KIF13A: variants seen among roughly 807,000 people sequenced by gnomAD.
KIF13A encodes the protein kinesin-like protein KIF13A.
A neutral mutation model predicts 212.2 loss-of-function variants in KIF13A; 79 were observed. The ratio of observed to expected loss-of-function variants is 0.37; its 90% CI spans 0.31 to 0.45. The LOEUF (loss-of-function observed/expected upper bound fraction) is 0.45. Among genes scored for constraint, KIF13A ranks in the 20% least tolerant of loss-of-function variants. The pLI is 1.00. For missense variants in KIF13A, 1,901 were observed against 2,209.0 expected (o/e 0.86, Z 2.79); for synonymous variants, 789 against 808.6 (o/e 0.98, Z 0.41).
rs199920363 is a variant in KIF13A, at chr6:17,775,613, T to C, written c.4171-551A>G. On this transcript the variant is annotated intron_variant, in intron 34 of 38. Transcript: ENST00000259711. The stretch of plus-strand genomic sequence containing the variant: ...CATCAACGAGCATAGTAATAGTCAT[T>C]ATTTTAGTATAGTCCTTCTTTTTGG... 2.0e-5 allele frequency among the ~76,000 whole-genome samples: 3 copies of C among 152,220 alleles called. No homozygotes were observed. The East Asian group carries it at 5.8e-4, about 29-fold the overall frequency.
In KIF13A at chr6:17,987,384, T is replaced by TA. The variant is rs776286508; in HGVS notation, c.55+24dup. 1.3e-5 allele frequency: 17 copies of TA among 1,349,758 alleles called. No individual in the cohort carries two copies. Among genetic ancestry groups the TA allele is most frequent in the South Asian group, 2.5e-5 (2 of 79,440 alleles). 83.6% of individuals were successfully genotyped at this position (1,349,758 alleles called of 1,614,324 possible). ...CCCCCGCCCTCAGCCCGAGCAGAAA[T>TA]AAAAAAGAGCGGAAAGCTCCTCACC... On this transcript the variant is annotated intron_variant, in intron 1 of 38. Transcript: ENST00000259711. The surrounding 1 kb of genome is among the most constrained non-coding windows in gnomAD (Gnocchi z 7.7).
chr6:17,878,135 A>G (rs1255303071), intron 3 of KIF13A, among the ~76,000 whole-genome samples: 1 of 152,192 alleles, frequency 6.6e-6, no homozygotes, highest in Non-Finnish European at 1.5e-5. Context: ...CAAGCAACCA[A>G]TAAACACATA....
chr6:17,869,788 C>T (rs530593551), intron 4 of KIF13A, among the ~76,000 whole-genome samples: 2 of 152,362 alleles, frequency 1.3e-5, no homozygotes, highest in African/African-American at 4.8e-5. Flanking sequence ...TCTTTGCTTT[C>T]TCAATCCATG....
chr6:17,948,580 T>TC (rs1554120971), intron 2 of KIF13A, among the ~76,000 whole-genome samples: 1 of 147,126 alleles, frequency 6.8e-6, no homozygotes. Context: ...TTTTTTTTTT[T>TC]TGAGACAAGT....
intron 2 of KIF13A, among the ~76,000 whole-genome samples, chr6:17,901,129 C>T (rs1370556182): frequency 7.0e-6 from 1 of 142,668 alleles, no homozygotes; most frequent in Admixed American, 7.0e-5. Flanking sequence ...CATAATTCTA[C>T]ACTTTTGAGT....
chr6:17,906,612 C>A (rs980589893), intron 2 of KIF13A, among the ~76,000 whole-genome samples: 2 of 151,902 alleles, frequency 1.3e-5, no homozygotes, highest in African/African-American at 4.8e-5. Context: ...CCACACCCAG[C>A]TAATTTTTGT....
Position 17,987,202 on chromosome 6 carries a change from C to A in KIF13A, c.56-58G>T. On this transcript the variant is annotated intron_variant, in intron 1 of 38. Coordinates refer to ENST00000259711, the MANE Select transcript of KIF13A (RefSeq NM_022113.6). The surrounding 1 kb of genome is among the most constrained non-coding windows in gnomAD (Gnocchi z 7.7). The stretch of plus-strand genomic sequence containing the variant: ...CCAGCATCCGCGCCTCCAGCCCGCC[C>A]GCCCGCCAGCCGCGCCGAGCGGGGC... The A allele has an allele frequency of 7.2e-7, 1 of 1,389,794 alleles. No individual in the cohort carries two copies. Among genetic ancestry groups the A allele is most frequent in the Non-Finnish European group, 9.9e-7 (1 of 1,011,474 alleles). The allele number at this position is 1,389,794 out of a possible 1,614,324, so 86.1% of individuals were successfully genotyped here.
chr6:17,987,185 C>G lies in KIF13A; in HGVS notation c.56-41G>C. ...AAGGGACGTTGCAAAGTCCAGCATC[C>G]GCGCCTCCAGCCCGCCCGCCCGCCA... On this transcript the variant is annotated intron_variant, in intron 1 of 38. Coordinates refer to ENST00000259711, the MANE Select transcript of KIF13A (RefSeq NM_022113.6). This position sits in a 1 kb window ranked among gnomAD's most constrained non-coding sequence, Gnocchi z 7.7. 6.7e-7 allele frequency: 1 copy of G among 1,498,620 alleles called. No individual in the cohort carries two copies. The highest frequency in any genetic ancestry group is 2.5e-5 in the East Asian group (1 of 40,562). 92.8% of individuals were successfully genotyped at this position (1,498,620 alleles called of 1,614,324 possible). A position where few individuals can be genotyped will look rare whatever the true frequency, so the allele number is the denominator to read the frequency against.
chr6:17,850,588 G>A lies in KIF13A; in HGVS notation c.583-131C>T, dbSNP rs960746034. 1.6e-5 allele frequency: 13 copies of A among 832,182 alleles called. No individual in the cohort carries two copies. The highest frequency in any genetic ancestry group is 1.0e-4 in the African/African-American group (6 of 57,866). The allele number at this position is 832,182 out of a possible 1,614,324, so 51.5% of individuals were successfully genotyped here. A position where few individuals can be genotyped will look rare whatever the true frequency, so the allele number is the denominator to read the frequency against. On this transcript the variant is annotated intron_variant, in intron 7 of 38. Transcript: ENST00000259711. This position sits in a 1 kb window ranked among gnomAD's most constrained non-coding sequence, Gnocchi z 6.2. ...ACCCTTCCATAGAAACCTCCCTGCC[G>A]CTCCTCCATTGAGCATGGTTTGAGC... is the stretch of plus-strand genomic sequence containing the variant.
intron 32 of KIF13A, among the ~76,000 whole-genome samples, 158 bp from the exon 33 acceptor site, chr6:17,779,257 A>ATTTTTTTTTTTTT (rs3076205): frequency 2.6e-5 from 1 of 37,850 alleles, no homozygotes; most frequent in African/African-American, 1.2e-4. Context: ...ATATATATAT[A>ATTTTTTTTTTTTT]TTTTTTTTTT....
rs34232861 is a variant in KIF13A, at chr6:17,846,041, C to CTT, written c.830+3334_830+3335dup. Reference sequence around the variant, plus strand: ...GATTTCTTTAGTTTTGGAACTCAACCTTTTTTTTTTTTTTTTTTTTTTTTC... The same window carrying CTT: ...GATTTCTTTAGTTTTGGAACTCAACCTTTTTTTTTTTTTTTTTTTTTTTTTTC... On this transcript the variant is annotated intron_variant, in intron 9 of 38. Coordinates refer to ENST00000259711, the MANE Select transcript of KIF13A (RefSeq NM_022113.6). Among the ~76,000 whole-genome samples, 569 of 83,238 alleles carry CTT rather than the reference C, an allele frequency of 6.8e-3. 31 individuals are homozygous for CTT. The highest frequency in any genetic ancestry group is 0.023 in the African/African-American group (403 of 17,638). The allele number at this position is 83,238 out of a possible 152,430, so 54.6% of individuals were successfully genotyped here. A position where few individuals can be genotyped will look rare whatever the true frequency, so the allele number is the denominator to read the frequency against.
At chr6:17,869,574 C>A (rs1210543696) in intron 4 of KIF13A, among the ~76,000 whole-genome samples, 2 of 152,182 alleles carry the variant, frequency 1.3e-5, no homozygotes, top group African/African-American at 2.4e-5. Context: ...AGGATTTGAA[C>A]CAAGTCTGAC....
intron 13 of KIF13A, among the ~76,000 whole-genome samples, chr6:17,830,584 T>G (rs1007676606): frequency 1.3e-5 from 2 of 152,308 alleles, no homozygotes; most frequent in South Asian, 2.1e-4. Context: ...CCTCTACACC[T>G]GAAGGGTGAT....
intron 9 of KIF13A, among the ~76,000 whole-genome samples, chr6:17,847,924 G>C (rs539062610): frequency 6.6e-6 from 1 of 152,148 alleles, no homozygotes; most frequent in East Asian, 1.9e-4. Flanking sequence ...AGATTCTTCT[G>C]CCTCAGCCTC....
intron 25 of KIF13A, among the ~76,000 whole-genome samples, chr6:17,792,217 A>AAG (rs1581937260): frequency 6.6e-6 from 1 of 150,500 alleles, no homozygotes; most frequent in Non-Finnish European, 1.5e-5. Context: ...AAAAAAAAAA[A>AAG]GCAGCAAATA....
At chr6:17,965,746 T>C (rs980858084) in intron 2 of KIF13A, among the ~76,000 whole-genome samples, 4 of 152,270 alleles carry the variant, frequency 2.6e-5, no homozygotes, top group East Asian at 1.9e-4. Flanking sequence ...TTTTTGGTGA[T>C]AGATAACACA....
At chr6:17,800,239 G>A (rs374456230) in intron 20 of KIF13A, 126 bp from the exon 21 acceptor site, 17 of 830,286 alleles carry the variant, frequency 2.0e-5, no homozygotes, top group East Asian at 8.2e-5. Context: ...GGTCGTCTTC[G>A]GCAACGGGAG....
chr6:17,844,916 A>C (rs1335897947), intron 9 of KIF13A, among the ~76,000 whole-genome samples: 1 of 152,230 alleles, frequency 6.6e-6, no homozygotes, highest in East Asian at 1.9e-4. Flanking sequence ...ACTCTAAATG[A>C]ACCAGAATCA....
chr6:17,821,911 A>C, intron 16 of KIF13A: 1 of 1,535,486 alleles, frequency 6.5e-7, no homozygotes, highest in Middle Eastern at 1.7e-4. Flanking sequence ...GCCACCTAGC[A>C]GTAGAGGGGA....
Sources: gnomAD v4.1 joint callset for allele counts (sites outside exome capture counted in the v4.1 genomes callset) on GRCh38, gnomAD v4.1.1 for gene constraint, Gnocchi (gnomAD v3.1) non-coding constraint, MANE v1.5 for transcripts, NCBI Gene and HGNC (gene_info 2026-07-23, HGNC 2026-07-21) for gene names.